CFDP1: variants seen among roughly 807,000 people sequenced by gnomAD.
CFDP1 encodes heterochromatin-stabilizing protein CFDP1.
In CFDP1, 31 loss-of-function variants were observed where a neutral mutation model predicts 40.1. The ratio of observed to expected loss-of-function variants is 0.77; its 90% CI spans 0.58 to 1.04. The LOEUF (loss-of-function observed/expected upper bound fraction) is 1.04, where lower values mean the gene tolerates loss of function less well. CFDP1 is among the 50% of genes least tolerant of loss of function. The pLI is 0.00. For missense variants in CFDP1, 423 were observed against 343.4 expected (o/e 1.23, Z -1.83); for synonymous variants, 167 against 120.0 (o/e 1.39, Z -2.56).
At chr16:75,415,269 C>T (rs1238515163) in intron 1 of CFDP1, among the ~76,000 whole-genome samples, 1 of 152,208 alleles carries the variant, frequency 6.6e-6, no homozygotes, top group African/African-American at 2.4e-5. Context: ...AAGAGTGTTG[C>T]TTGGATGTCT....
intron 5 of CFDP1, among the ~76,000 whole-genome samples, chr16:75,315,177 C>A (rs2078316434): frequency 6.6e-6 from 1 of 151,760 alleles, no homozygotes; most frequent in Admixed American, 6.6e-5. Context: ...CCCGTCTCTA[C>A]AAAAAATTTG....
At chr16:75,429,707 T>A (rs146599939) in intron 1 of CFDP1, among the ~76,000 whole-genome samples, 1 of 152,116 alleles carries the variant, frequency 6.6e-6, no homozygotes. Flanking sequence ...CAAGACAAAG[T>A]GGAGGCCAGA....
At chr16:75,334,413 G>C (rs1203391490) in intron 5 of CFDP1, among the ~76,000 whole-genome samples, 2 of 150,768 alleles carry the variant, frequency 1.3e-5, no homozygotes, top group Non-Finnish European at 2.9e-5. Flanking sequence ...AAGTGCTCTA[G>C]AGAACATCTG....
chr16:75,316,408 T>A (rs2078323349), intron 5 of CFDP1, among the ~76,000 whole-genome samples: 1 of 152,054 alleles, frequency 6.6e-6, no homozygotes, highest in South Asian at 2.1e-4. Flanking sequence ...TAGTAAAGAA[T>A]CCTATTTGAA....
intron 5 of CFDP1, among the ~76,000 whole-genome samples, chr16:75,387,551 C>A (rs1488024621): frequency 6.6e-6 from 1 of 152,188 alleles, no homozygotes; most frequent in African/African-American, 2.4e-5. Context: ...ACCACTAGTT[C>A]CTGAAACATC....
At chr16:75,431,472 A>AG (rs1248613361) in intron 1 of CFDP1, among the ~76,000 whole-genome samples, 2 of 147,510 alleles carry the variant, frequency 1.4e-5, no homozygotes, top group East Asian at 3.9e-4. Flanking sequence ...AAAAAAAAAA[A>AG]AAAAAGAAAA....
intron 5 of CFDP1, among the ~76,000 whole-genome samples, chr16:75,327,834 C>T (rs1333136181): frequency 6.6e-6 from 1 of 152,126 alleles, no homozygotes; most frequent in Non-Finnish European, 1.5e-5. Context: ...AGCGATTCTC[C>T]TGCCTCAGCC....
intron 5 of CFDP1, among the ~76,000 whole-genome samples, chr16:75,393,106 T>C (rs2078966113): frequency 6.6e-6 from 1 of 152,148 alleles, no homozygotes; most frequent in Non-Finnish European, 1.5e-5. Flanking sequence ...GGGCAAGGAA[T>C]GTGTGGAAGC....
intron 1 of CFDP1, among the ~76,000 whole-genome samples, 172 bp downstream of exon 1, chr16:75,433,117 C>T (rs2079444562): frequency 6.6e-6 from 1 of 152,206 alleles, no homozygotes; most frequent in South Asian, 2.1e-4. Context: ...CACGCGCACA[C>T]GCCTCGGGCC....
chr16:75,395,789 G>C (rs1385779231), intron 4 of CFDP1, among the ~76,000 whole-genome samples: 1 of 152,094 alleles, frequency 6.6e-6, no homozygotes, highest in East Asian at 1.9e-4. Flanking sequence ...GGCTAAATTA[G>C]CAATAATTTG....
intron 5 of CFDP1, among the ~76,000 whole-genome samples, chr16:75,357,221 G>T (rs1002385128): frequency 1.3e-5 from 2 of 151,628 alleles, no homozygotes; most frequent in African/African-American, 4.8e-5. Context: ...CCTGGAAACA[G>T]CTTCTTTCTT....
chr16:75,335,545 C>G (rs1352205833), intron 5 of CFDP1, among the ~76,000 whole-genome samples: 2 of 149,162 alleles, frequency 1.3e-5, no homozygotes, highest in Non-Finnish European at 3.0e-5. Flanking sequence ...GCACTTTTGA[C>G]AAATCTCCAT....
chr16:75,321,297 A>G (rs545914490), intron 5 of CFDP1, among the ~76,000 whole-genome samples: 1 of 152,234 alleles, frequency 6.6e-6, no homozygotes, highest in South Asian at 2.1e-4. Context: ...CTTTACTGAG[A>G]TGTAATCCAC....
intron 5 of CFDP1, among the ~76,000 whole-genome samples, chr16:75,309,819 CAAAAAAAAAA>C (rs1156624164): frequency 1.5e-4 from 7 of 46,482 alleles, no homozygotes; most frequent in Non-Finnish European, 2.4e-4. Flanking sequence ...GACTCCATCT[CAAAAAAAAAA>C]AAAAAAAAAA....
At chr16:75,321,130 T>G in intron 5 of CFDP1, among the ~76,000 whole-genome samples, 1 of 152,074 alleles carries the variant, frequency 6.6e-6, no homozygotes, top group East Asian at 1.9e-4. Context: ...TTTTAATAAA[T>G]TATTATTATT....
chr16:75,330,984 A>C (rs1043629571), intron 5 of CFDP1, among the ~76,000 whole-genome samples: 14 of 111,896 alleles, frequency 1.3e-4, no homozygotes, highest in Admixed American at 3.0e-4. Flanking sequence ...AAAAAAAAAA[A>C]ACACAAAGTG....
intron 5 of CFDP1, among the ~76,000 whole-genome samples, chr16:75,393,001 T>C (rs1039147394): frequency 2.0e-5 from 3 of 152,222 alleles, no homozygotes; most frequent in Admixed American, 6.5e-5. Context: ...GATGAGGAAG[T>C]AGCCCCATCC....
intron 5 of CFDP1, among the ~76,000 whole-genome samples, chr16:75,380,624 AG>A (rs1171517011): frequency 6.6e-6 from 1 of 152,178 alleles, no homozygotes; most frequent in Non-Finnish European, 1.5e-5. Context: ...TTTGGGCTGT[AG>A]CGGGTAGGAA....
chr16:75,329,689 A>G (rs753893763), intron 5 of CFDP1, among the ~76,000 whole-genome samples: 1 of 152,206 alleles, frequency 6.6e-6, no homozygotes, highest in Non-Finnish European at 1.5e-5. Context: ...TTTATTCCTA[A>G]TAAAGACTGT....
Sources: gnomAD v4.1 joint callset for allele counts (sites outside exome capture counted in the v4.1 genomes callset) on GRCh38, gnomAD v4.1.1 for gene constraint, MANE v1.5 for transcripts, NCBI Gene and HGNC (gene_info 2026-07-23, HGNC 2026-07-21) for gene names.